The following MAP2K6 variants were observed in gnomAD, a reference collection of about 807,000 sequenced individuals.
MAP2K6 encodes mitogen-activated protein kinase kinase 6.
Under a neutral mutation model 53.7 loss-of-function variants are expected in MAP2K6, and 16 were observed. The observed-to-expected ratio is 0.30, with a 90% CI of 0.20 to 0.45. MAP2K6 has a LOEUF of 0.45. Ranked by LOEUF, MAP2K6 falls within the 20% of genes least tolerant of loss-of-function variation. The pLI, the probability that MAP2K6 is intolerant of heterozygous loss-of-function variation, is 1.00. For missense variants in MAP2K6, 204 were observed against 411.9 expected (o/e 0.50, Z 4.37); for synonymous variants, 132 against 143.1 (o/e 0.92, Z 0.55).
chr17:69,446,860 GTTT>G (rs72215299), intron 1 of MAP2K6, among the ~76,000 whole-genome samples: 32 of 148,196 alleles, frequency 2.2e-4, no homozygotes, highest in African/African-American at 5.9e-4. Flanking sequence ...TAAGAATAAG[GTTT>G]TTTTTTTTTT....
At chr17:69,502,049 A>T (rs750458721) in intron 1 of MAP2K6, 24 of 496,704 alleles carry the variant, frequency 4.8e-5, no homozygotes, top group African/African-American at 8.4e-5. Context: ...TCTTTTAAGA[A>T]ATCAAAGAGG....
intron 9 of MAP2K6, among the ~76,000 whole-genome samples, chr17:69,525,243 T>C (rs1318430201): frequency 6.6e-6 from 1 of 152,234 alleles, no homozygotes; most frequent in Non-Finnish European, 1.5e-5. Flanking sequence ...TCACATGGAC[T>C]ATCTTCCTAT....
rs71144698 is a variant in MAP2K6, at chr17:69,508,041, G to GTTTTTTTT, written c.83+2215_83+2222dup. ...TCTGATGTGTAGTGATATATATGTA[G>GTTTTTTTT]TTTTTTTTTTTTTTTTTTTTTTTTT... On this transcript the variant is annotated intron_variant, in intron 2 of 11. Transcript: ENST00000590474. Among the ~76,000 whole-genome samples, 133 of 44,900 alleles carry GTTTTTTTT rather than the reference G, an allele frequency of 3.0e-3. 54 individuals carry two copies. Among genetic ancestry groups the GTTTTTTTT allele is most frequent in the East Asian group, 3.9e-3 (4 of 1,024 alleles). 29.5% of individuals were successfully genotyped at this position (44,900 alleles called of 152,430 possible). A position where few individuals can be genotyped will look rare whatever the true frequency, so the allele number is the denominator to read the frequency against.
At chr17:69,480,491 C>G (rs187439044) in intron 1 of MAP2K6, among the ~76,000 whole-genome samples, 5 of 152,284 alleles carry the variant, frequency 3.3e-5, no homozygotes, top group African/African-American at 9.6e-5. Context: ...GTAATATGTT[C>G]AACTGCAGAG....
chr17:69,527,302 T>G (rs1379699729), intron 10 of MAP2K6, among the ~76,000 whole-genome samples: 1 of 152,190 alleles, frequency 6.6e-6, no homozygotes, highest in Admixed American at 6.5e-5. Context: ...TTGTAGAACC[T>G]TGGTTGCTAC....
chr17:69,484,370 C>A (rs1908449812), intron 1 of MAP2K6, among the ~76,000 whole-genome samples: 1 of 151,716 alleles, frequency 6.6e-6, no homozygotes, highest in Non-Finnish European at 1.5e-5. Flanking sequence ...CAAATCAAAA[C>A]CCCAGTGAGA....
intron 10 of MAP2K6, among the ~76,000 whole-genome samples, chr17:69,527,712 G>A (rs189586541): frequency 2.6e-5 from 4 of 152,164 alleles, no homozygotes; most frequent in Admixed American, 6.5e-5. Context: ...GAGGGGAGCC[G>A]TTCTGAGTAC....
At chr17:69,502,234 G>A in intron 1 of MAP2K6, 1 of 985,412 alleles carries the variant, frequency 1.0e-6, no homozygotes, top group Non-Finnish European at 1.2e-6. Flanking sequence ...GCTGCAATCC[G>A]AACTTGAGGA....
chr17:69,521,688 A>T (rs947569659), intron 7 of MAP2K6: 1 of 151,262 alleles, frequency 6.6e-6, no homozygotes, highest in African/African-American at 2.4e-5. Context: ...TCATCCATTT[A>T]TTCATCTTTT....
At chr17:69,445,880 T>A (rs549380793) in intron 1 of MAP2K6, among the ~76,000 whole-genome samples, 20 of 152,338 alleles carry the variant, frequency 1.3e-4, no homozygotes, top group African/African-American at 4.8e-4. Flanking sequence ...AAGTAAAGCT[T>A]GTGCAGGTCT....
intron 1 of MAP2K6, among the ~76,000 whole-genome samples, chr17:69,480,000 C>G (rs1007860702): frequency 1.2e-4 from 19 of 152,158 alleles, no homozygotes; most frequent in Admixed American, 6.5e-5. Context: ...CCTCCCAACT[C>G]TAGCTGCAGA....
At chr17:69,416,908 A>G (rs1197469449) in intron 1 of MAP2K6, among the ~76,000 whole-genome samples, 3 of 152,212 alleles carry the variant, frequency 2.0e-5, no homozygotes, top group Admixed American at 6.5e-5. Flanking sequence ...TGGGCTCACT[A>G]TGAACGTGGC....
chr17:69,474,139 CT>C (rs2145183977), intron 1 of MAP2K6, among the ~76,000 whole-genome samples: 1 of 152,300 alleles, frequency 6.6e-6, no homozygotes, highest in African/African-American at 2.4e-5. Context: ...TGGGCAAGGG[CT>C]ACATGTTTTG....
At chr17:69,441,293 A>G (rs1906808966) in intron 1 of MAP2K6, among the ~76,000 whole-genome samples, 1 of 152,110 alleles carries the variant, frequency 6.6e-6, no homozygotes. Flanking sequence ...TTATAGTTTC[A>G]TATGTCCCTG....
At chr17:69,495,111 A>C (rs796170957) in intron 1 of MAP2K6, among the ~76,000 whole-genome samples, 172 of 151,966 alleles carry the variant, frequency 1.1e-3, no homozygotes, top group African/African-American at 3.6e-3. Flanking sequence ...AAAAAAAAAA[A>C]AAAACAACAA....
chr17:69,544,400 A>G lies in MAP2K6; in HGVS notation c.*2647A>G, dbSNP rs1598326245. On this transcript the variant is annotated 3_prime_UTR_variant, in exon 12 of 12. Coordinates refer to ENST00000590474, the MANE Select transcript of MAP2K6 (RefSeq NM_002758.4). ...TTTGGAAAACTGTGTTGTAAGTGCC[A>G]ATCAACCAACTTTTGAAAAAATCAA... is the stretch of plus-strand genomic sequence containing the variant. The G allele has an allele frequency of 6.6e-6, 1 of 152,266 alleles. No homozygotes were observed. The highest frequency in any genetic ancestry group is 1.5e-5 in the Non-Finnish European group (1 of 68,052). 9.4% of individuals were successfully genotyped at this position (152,266 alleles called of 1,614,324 possible).
chr17:69,527,711 C>T (rs916748141), intron 10 of MAP2K6, among the ~76,000 whole-genome samples: 5 of 152,062 alleles, frequency 3.3e-5, no homozygotes, highest in African/African-American at 7.2e-5. Flanking sequence ...GGAGGGGAGC[C>T]GTTCTGAGTA....
rs144332989 is a variant in MAP2K6, at chr17:69,499,708, G to C, written c.17-6072G>C. Among the ~76,000 whole-genome samples, 972 of 152,260 alleles carry C rather than the reference G, an allele frequency of 6.4e-3. 2 individuals are homozygous for C. Among genetic ancestry groups the C allele is most frequent in the South Asian group, 0.017 (80 of 4,832 alleles). On this transcript the variant is annotated intron_variant, in intron 1 of 11. Transcript: ENST00000590474. ...CCATCATGGAACTTATATTCTAGTG[G>C]AGAAAGGTAGATAAACAAGTAATAA...
chr17:69,491,730 G>GTTGTTA (rs1555606494), intron 1 of MAP2K6, among the ~76,000 whole-genome samples: 19 of 143,384 alleles, frequency 1.3e-4, no homozygotes, highest in African/African-American at 4.3e-4. Context: ...GCTGGCATCT[G>GTTGTTA]TTATTATTAT....
Sources: gnomAD v4.1 joint callset for allele counts (sites outside exome capture counted in the v4.1 genomes callset) on GRCh38, gnomAD v4.1.1 for gene constraint, MANE v1.5 for transcripts, NCBI Gene and HGNC (gene_info 2026-07-23, HGNC 2026-07-21) for gene names.